Variants in EFTUD2 observed in about 807,000 individuals in gnomAD.
EFTUD2 encodes the protein 116 kDa U5 small nuclear ribonucleoprotein component.
A neutral mutation model predicts 114.3 loss-of-function variants in EFTUD2; 9 were observed. The ratio of observed to expected loss-of-function variants is 0.08; its 90% CI spans 0.05 to 0.14. EFTUD2 has a LOEUF of 0.14. Among genes scored for constraint, EFTUD2 ranks in the 10% least tolerant of loss-of-function variants. The pLI, the probability that EFTUD2 is intolerant of heterozygous loss-of-function variation, is 1.00. For synonymous variants in EFTUD2, 449 were observed against 462.3 expected (o/e 0.97, Z 0.37); for missense variants, 765 against 1,241.2 (o/e 0.62, Z 5.76).
At chr17:44,861,526 G>A (rs997069010) in intron 16 of EFTUD2, among the ~76,000 whole-genome samples, 8 of 151,688 alleles carry the variant, frequency 5.3e-5, no homozygotes, top group African/African-American at 1.7e-4. Flanking sequence ...GAGGTCAGGA[G>A]ATCGAGACCA....
At chr17:44,898,121 T>C (rs749308126) in intron 1 of EFTUD2, among the ~76,000 whole-genome samples, 6 of 152,242 alleles carry the variant, frequency 3.9e-5, no homozygotes, top group Non-Finnish European at 8.8e-5. Context: ...AACTTTCACA[T>C]GCATATTCTT....
intron 14 of EFTUD2, 53 bp downstream of exon 14, chr17:44,864,877 C>T (rs1480923293): frequency 6.3e-7 from 1 of 1,589,202 alleles, no homozygotes; most frequent in Non-Finnish European, 8.6e-7. Flanking sequence ...GCTGTGATAC[C>T]TGTGGCAGGG....
intron 25 of EFTUD2, among the ~76,000 whole-genome samples, chr17:44,852,766 T>C (rs992297890): frequency 6.6e-6 from 1 of 152,184 alleles, no homozygotes; most frequent in African/African-American, 2.4e-5. Flanking sequence ...CAGCAACCTC[T>C]GGGCAGAGGA....
Position 44,854,752 on chromosome 17 carries a change from T to TC in EFTUD2, c.2133-71dup. On this transcript the variant is annotated intron_variant, in intron 21 of 27. Transcript: ENST00000426333. This position sits in a 1 kb window ranked among gnomAD's most constrained non-coding sequence, Gnocchi z 4.3. ...TTGCTGGTCCTGGAGCCACAGACCC[T>TC]CCCTTCCTGGAAGACAGTCACTTCA... is the stretch of plus-strand genomic sequence containing the variant. 2 of 1,588,064 alleles carry TC rather than the reference T, an allele frequency of 1.3e-6. No individual in the cohort carries two copies. The highest frequency in any genetic ancestry group is 1.7e-6 in the Non-Finnish European group (2 of 1,164,478).
At chr17:44,868,537 A>G in intron 11 of EFTUD2, 187 bp from the exon 12 acceptor site, 1 of 569,856 alleles carries the variant, frequency 1.8e-6, no homozygotes, top group Non-Finnish European at 3.1e-6. Context: ...ACTGGTCCAA[A>G]GTTGACAAGG....
chr17:44,860,404 A>C, intron 17 of EFTUD2, 28 bp downstream of exon 17: 1 of 1,544,020 alleles, frequency 6.5e-7, no homozygotes, highest in South Asian at 1.1e-5. Context: ...GCTTAAGCCA[A>C]CCCAGTTGGT....
At chr17:44,855,592 C>A (rs922159701) in intron 20 of EFTUD2, among the ~76,000 whole-genome samples, 4 of 150,154 alleles carry the variant, frequency 2.7e-5, no homozygotes, top group Non-Finnish European at 4.4e-5. Flanking sequence ...CAAAAAAAAA[C>A]CCCAGACAAA....
chr17:44,853,975 A>T (rs532114545), intron 23 of EFTUD2: 1 of 1,357,588 alleles, frequency 7.4e-7, no homozygotes, highest in African/African-American at 1.5e-5. Context: ...GGGTCTATAA[A>T]CCATTCCAAT....
intron 15 of EFTUD2, chr17:44,863,402 A>G (rs2050691847): frequency 1.0e-5 from 4 of 399,840 alleles, no homozygotes; most frequent in Admixed American, 4.2e-5. Context: ...TTTAAATCTC[A>G]TAACAACCGC....
chr17:44,898,430 G>C (rs2051439097), intron 1 of EFTUD2, among the ~76,000 whole-genome samples: 1 of 152,094 alleles, frequency 6.6e-6, no homozygotes, highest in South Asian at 2.1e-4. Flanking sequence ...ATGTTGGCCA[G>C]GCTGGTCTCG....
Position 44,863,724 on chromosome 17 carries a change from C to G in EFTUD2, c.1344G>C (p.Lys448Asn). 6.2e-7 allele frequency: 1 copy of G among 1,614,174 alleles called. No homozygotes were observed. Among genetic ancestry groups the G allele is most frequent in the Non-Finnish European group, 8.5e-7 (1 of 1,180,008 alleles). ...IPSPKVGAKP[K>N]IEHTYTGGVD... Reference sequence around the variant, plus strand: ...CACCACCGGTGTAGGTGTGCTCAATCTTGGGCTTGGCGCCCACCTTTGGAG... The same window carrying G: ...CACCACCGGTGTAGGTGTGCTCAATGTTGGGCTTGGCGCCCACCTTTGGAG... The change falls in exon 15 of 28, where the codon AAG becomes AAC. Residue 448 changes from lysine (K) to asparagine (N), a missense_variant. Coordinates refer to ENST00000426333, the MANE Select transcript of EFTUD2 (RefSeq NM_004247.4).
chr17:44,852,461 C>T lies in EFTUD2; in HGVS notation c.2663G>A (p.Arg888Gln). ...IDSFGFETDLRTHTQGQAFSL... is the reference protein window; with the variant it reads ...IDSFGFETDLQTHTQGQAFSL... ...AAAGGCTTGTCCCTGGGTGTGAGTC[C>T]GGAGATCAGTCTCAAAGCCAAAAGA... Residue 888 changes from arginine (R) to glutamine (Q), a missense_variant, in exon 26 of 28, where the codon CGG becomes CAG. This residue lies in a region of EFTUD2 where 166 missense variants were observed against 401.5 expected (regional missense o/e 0.41). Coordinates refer to ENST00000426333, the MANE Select transcript of EFTUD2 (RefSeq NM_004247.4). 1.2e-6 allele frequency: 2 copies of T among 1,613,990 alleles called. No individual in the cohort carries two copies. The highest frequency in any genetic ancestry group is 1.7e-6 in the Non-Finnish European group (2 of 1,179,996).
intron 7 of EFTUD2, 35 bp downstream of exon 7, chr17:44,881,652 G>A (rs760616568): frequency 1.9e-6 from 3 of 1,612,688 alleles, no homozygotes; most frequent in Non-Finnish European, 2.5e-6. Flanking sequence ...TGGGTCTGGT[G>A]TAGGTGACAA....
chr17:44,854,154 G>A lies in EFTUD2; in HGVS notation c.2347+115C>T, dbSNP rs1332377509. The A allele has an allele frequency of 4.2e-6, 6 of 1,424,864 alleles. No individual in the cohort carries two copies. The highest frequency in any genetic ancestry group is 1.4e-5 in the African/African-American group (1 of 69,760). 88.3% of individuals were successfully genotyped at this position (1,424,864 alleles called of 1,614,324 possible). A position where few individuals can be genotyped will look rare whatever the true frequency, so the allele number is the denominator to read the frequency against. Reference sequence around the variant, plus strand: ...CTGGCCCAGGACTTGGGATGGTCCTGTGTACCCCAAGCTGCTTCTCCTGCC... The same window carrying A: ...CTGGCCCAGGACTTGGGATGGTCCTATGTACCCCAAGCTGCTTCTCCTGCC... On this transcript the variant is annotated intron_variant, in intron 23 of 27. Coordinates refer to ENST00000426333, the MANE Select transcript of EFTUD2 (RefSeq NM_004247.4). The surrounding 1 kb of genome is among the most constrained non-coding windows in gnomAD (Gnocchi z 4.3).
At chr17:44,897,408 T>G (rs116395314) in intron 1 of EFTUD2, among the ~76,000 whole-genome samples, 1 of 152,068 alleles carries the variant, frequency 6.6e-6, no homozygotes, top group South Asian at 2.1e-4. Context: ...ACAAATAACT[T>G]TCTTTTCCCC....
At chr17:44,860,129 T>A in intron 17 of EFTUD2, 84 bp from the exon 18 acceptor site, 1 of 1,590,076 alleles carries the variant, frequency 6.3e-7, no homozygotes, top group Non-Finnish European at 8.6e-7. Context: ...GAAGAGGACT[T>A]GCTTAGGATC....
At chr17:44,858,572 C>T (rs1272568416) in intron 19 of EFTUD2, among the ~76,000 whole-genome samples, 2 of 152,090 alleles carry the variant, frequency 1.3e-5, no homozygotes, top group African/African-American at 2.4e-5. Flanking sequence ...GATCCTCCCA[C>T]CTAAGCCCCC....
Position 44,850,484 on chromosome 17 carries a change from ACT to A in EFTUD2, c.*788_*789del, listed in dbSNP as rs2050428087. 2 of 905,876 alleles carry A rather than the reference ACT, an allele frequency of 2.2e-6. No homozygotes were observed. The highest frequency in any genetic ancestry group is 2.5e-5 in the East Asian group (1 of 40,252). The allele number at this position is 905,876 out of a possible 1,614,324, so 56.1% of individuals were successfully genotyped here. A position where few individuals can be genotyped will look rare whatever the true frequency, so the allele number is the denominator to read the frequency against. On this transcript the variant is annotated 3_prime_UTR_variant, in exon 28 of 28. Transcript: ENST00000426333. ...AAGCAGTTTTGAGGAAAATCAACAG[ACT>A]CTTTTTCACTGGGGGAGAACAGAGT...
intron 14 of EFTUD2, 54 bp from the exon 15 acceptor site, chr17:44,863,836 C>A: frequency 6.2e-7 from 1 of 1,600,602 alleles, no homozygotes; most frequent in Admixed American, 1.7e-5. Flanking sequence ...GGAGCACGAG[C>A]AGGAGTTACT....
Sources: allele counts gnomAD v4.1 joint callset (sites outside exome capture counted in the v4.1 genomes callset), GRCh38; gene constraint gnomAD v4.1.1; regional missense constraint gnomAD v4.1.1; non-coding constraint Gnocchi (gnomAD v3.1); transcripts MANE v1.5; gene names NCBI Gene and HGNC (gene_info 2026-07-23, HGNC 2026-07-21).